The following CNIH3 variants were observed in gnomAD, a reference collection of about 807,000 sequenced individuals.
CNIH3 encodes cornichon family AMPA receptor auxiliary protein 3.
A neutral mutation model predicts 24.1 loss-of-function variants in CNIH3; 14 were observed. The observed-to-expected ratio is 0.58, with a 90% CI of 0.38 to 0.91. The LOEUF (loss-of-function observed/expected upper bound fraction) is 0.91. CNIH3 is among the 40% of genes least tolerant of loss of function. The pLI is 0.00. For synonymous variants in CNIH3, 68 were observed against 73.8 expected, an observed-to-expected ratio of 0.92 and a Z score of 0.40; for missense variants, 178 against 196.8, an observed-to-expected ratio of 0.90 and a Z score of 0.57.
chr1:224,662,752 A>T (rs757734437), intron 1 of CNIH3, among the ~76,000 whole-genome samples: 1 of 152,198 alleles, frequency 6.6e-6, no homozygotes, highest in Non-Finnish European at 1.5e-5. Flanking sequence ...ACATATGTAC[A>T]CATATAAACA....
chr1:224,636,982 C>T (rs1360877814), intron 1 of CNIH3, among the ~76,000 whole-genome samples: 6 of 142,812 alleles, frequency 4.2e-5, no homozygotes, highest in African/African-American at 1.0e-4. Flanking sequence ...GATGGAGTCT[C>T]GCATGGTCAC....
chr1:224,671,287 A>G (rs1269338670), intron 1 of CNIH3, among the ~76,000 whole-genome samples: 1 of 152,248 alleles, frequency 6.6e-6, no homozygotes, highest in East Asian at 1.9e-4. Flanking sequence ...CTCTCCAACC[A>G]GAGGCTCTGT....
At chr1:224,553,619 T>G (rs1210662460) in intron 3 of CNIH3, among the ~76,000 whole-genome samples, 2 of 152,174 alleles carry the variant, frequency 1.3e-5, no homozygotes, top group Non-Finnish European at 2.9e-5. Flanking sequence ...TACAGCCCGC[T>G]GTGGAAAGTC....
At chr1:224,696,683 C>G (rs1365826309) in intron 3 of CNIH3, among the ~76,000 whole-genome samples, 1 of 152,038 alleles carries the variant, frequency 6.6e-6, no homozygotes, top group Non-Finnish European at 1.5e-5. Flanking sequence ...CCAATAGGTA[C>G]CAATCTGAAT....
At chr1:224,512,252 G>A (rs901043801), upstream of CNIH3, among the ~76,000 whole-genome samples, 5 of 152,192 alleles carry the variant, frequency 3.3e-5, no homozygotes, top group Non-Finnish European at 4.4e-5. Flanking sequence ...GAGAGGCCAA[G>A]GCAGAGGATC....
At position 224,634,568 on chromosome 1, in the gene CNIH3, G is replaced by A. The variant is rs1168879748; in HGVS notation, c.81+17313G>A. On this transcript the variant is annotated intron_variant, in intron 1 of 5. Coordinates refer to ENST00000272133, the MANE Select transcript of CNIH3 (RefSeq NM_152495.2). The stretch of plus-strand genomic sequence containing the variant: ...AGCCTGGGCAACAGATTGAGACTCT[G>A]TCTCCAAAAAAAAAAATAAAAAAAA... Among the ~76,000 whole-genome samples, 5 of 139,272 alleles carry A rather than the reference G, an allele frequency of 3.6e-5. No homozygotes were observed. The Admixed American group carries it at 3.7e-4, about 10-fold the overall frequency. The allele number at this position is 139,272 out of a possible 152,430, so 91.4% of individuals were successfully genotyped here. A position where few individuals can be genotyped will look rare whatever the true frequency, so the allele number is the denominator to read the frequency against.
chr1:224,482,029 C>G (rs1023088080), intron 1 of CNIH3, among the ~76,000 whole-genome samples: 9 of 152,114 alleles, frequency 5.9e-5, no homozygotes, highest in Non-Finnish European at 1.2e-4. Flanking sequence ...CACTACAGGC[C>G]CATGGGGAGC....
chr1:224,560,448 G>A (rs552363124), intron 3 of CNIH3, among the ~76,000 whole-genome samples: 5 of 152,068 alleles, frequency 3.3e-5, no homozygotes, highest in South Asian at 2.1e-4. Flanking sequence ...GTTAGGAACC[G>A]GGCCCCACAG....
At chr1:224,575,533 T>G (rs2125006745) in intron 4 of CNIH3, 1 of 487,498 alleles carries the variant, frequency 2.1e-6, no homozygotes, top group Non-Finnish European at 3.8e-6. Context: ...TGTGTCTAGC[T>G]TGATGTTGGA....
chr1:224,611,835 T>TACCG (rs1313908090), upstream of CNIH3, among the ~76,000 whole-genome samples: 1 of 152,208 alleles, frequency 6.6e-6, no homozygotes, highest in East Asian at 1.9e-4. Flanking sequence ...GTGAAGGAAT[T>TACCG]ACCGCCTCAC....
intron 3 of CNIH3, among the ~76,000 whole-genome samples, chr1:224,693,027 C>T (rs1247059704): frequency 6.6e-6 from 1 of 152,158 alleles, no homozygotes; most frequent in African/African-American, 2.4e-5. Flanking sequence ...GGGTAGTTCA[C>T]CCCTGGAGGG....
At chr1:224,552,271 T>C (rs1475348124) in intron 3 of CNIH3, among the ~76,000 whole-genome samples, 1 of 151,738 alleles carries the variant, frequency 6.6e-6, no homozygotes, top group African/African-American at 2.4e-5. Flanking sequence ...TTAGATATTA[T>C]GAATAATATC....
At chr1:224,445,086 A>G (rs1284834317) in intron 1 of CNIH3, among the ~76,000 whole-genome samples, 1 of 152,166 alleles carries the variant, frequency 6.6e-6, no homozygotes, top group Non-Finnish European at 1.5e-5. Flanking sequence ...GAACGTTACC[A>G]GGACCCCAGT....
intron 1 of CNIH3, among the ~76,000 whole-genome samples, chr1:224,477,298 T>A (rs1676627252): frequency 6.6e-6 from 1 of 152,250 alleles, no homozygotes; most frequent in African/African-American, 2.4e-5. Flanking sequence ...TCTGTCCATC[T>A]GAGTGGGACG....
At chr1:224,654,273 C>T (rs756261909) in intron 1 of CNIH3, among the ~76,000 whole-genome samples, 8 of 152,058 alleles carry the variant, frequency 5.3e-5, no homozygotes, top group Non-Finnish European at 7.4e-5. Flanking sequence ...ATCCCAGCTA[C>T]TTGGGAGGCT....
intron 1 of CNIH3, among the ~76,000 whole-genome samples, chr1:224,468,277 T>C (rs1365217312): frequency 6.6e-6 from 1 of 151,994 alleles, no homozygotes; most frequent in Non-Finnish European, 1.5e-5. Context: ...TGGGAAAAAT[T>C]GATGTTTTTA....
chr1:224,635,559 T>C (rs1255746318), intron 1 of CNIH3, among the ~76,000 whole-genome samples: 1 of 152,200 alleles, frequency 6.6e-6, no homozygotes, highest in Non-Finnish European at 1.5e-5. Context: ...GGGGCTGTGC[T>C]AGGACAGGGA....
chr1:224,633,813 G>T lies in CNIH3; in HGVS notation c.81+16558G>T, dbSNP rs1436381670. 3.9e-5 allele frequency among the ~76,000 whole-genome samples: 6 copies of T among 152,348 alleles called. No homozygotes were observed. The East Asian group carries it at 1.2e-3, about 29-fold the overall frequency. On this transcript the variant is annotated intron_variant, in intron 1 of 5. Transcript: ENST00000272133. ...ACTGGTGTGGAAGTGTGGCATAAATGTGGGTGACCAAAAAATGCCAGATAA... is the reference window on the plus strand; with the variant it reads ...ACTGGTGTGGAAGTGTGGCATAAATTTGGGTGACCAAAAAATGCCAGATAA...
chr1:224,653,400 C>G (rs1190247199), intron 1 of CNIH3, among the ~76,000 whole-genome samples: 1 of 143,082 alleles, frequency 7.0e-6, no homozygotes, highest in Non-Finnish European at 1.5e-5. Flanking sequence ...CCAGCCTGGG[C>G]AGCAAGAGTG....
Sources: gnomAD v4.1 joint callset for allele counts (sites outside exome capture counted in the v4.1 genomes callset) on GRCh38, gnomAD v4.1.1 for gene constraint, MANE v1.5 for transcripts, NCBI Gene and HGNC (gene_info 2026-07-23, HGNC 2026-07-21) for gene names.